Variants in DMD observed in about 807,000 individuals in gnomAD.
DMD encodes the protein mutant dystrophin.
DMD carries 63 observed loss-of-function variants against 330.1 expected under a neutral mutation model. The observed-to-expected ratio is 0.19, with a 90% CI of 0.16 to 0.24. The LOEUF (loss-of-function observed/expected upper bound fraction) is 0.24. Among genes scored for constraint, DMD ranks in the 10% least tolerant of loss-of-function variants. DMD has a pLI of 1.00. For synonymous variants in DMD, 1,223 were observed against 959.8 expected, an observed-to-expected ratio of 1.27 and a Z score of -5.07; for missense variants, 3,344 against 2,684.1, an observed-to-expected ratio of 1.25 and a Z score of -5.43.
chrX:31,292,763 T>A (rs995292628), intron 62 of DMD, among the ~76,000 whole-genome samples: 1 of 112,188 alleles, frequency 8.9e-6, no homozygotes, highest in Non-Finnish European at 1.9e-5. Flanking sequence ...AAATGGGATA[T>A]CAAATTGCAA....
intron 1 of DMD, among the ~76,000 whole-genome samples, chrX:33,133,640 G>T (rs1416299286): frequency 3.6e-5 from 4 of 111,754 alleles, no homozygotes; most frequent in Non-Finnish European, 7.5e-5. Context: ...CTTTGGAAAG[G>T]TGTACTTTTA....
At chrX:33,289,214 A>T (rs2148928545) in intron 1 of DMD, among the ~76,000 whole-genome samples, 1 of 111,211 alleles carries the variant, frequency 9.0e-6, no homozygotes, top group Admixed American at 9.6e-5. Flanking sequence ...TCCTTTGAAA[A>T]CCATTATTTT....
chrX:32,360,525 C>A (rs759438256), intron 37 of DMD, among the ~76,000 whole-genome samples: 1 of 111,053 alleles, frequency 9.0e-6, no homozygotes, highest in Non-Finnish European at 1.9e-5. Flanking sequence ...CAGTGGTTCA[C>A]GCTTGTAATC....
chrX:31,666,896 C>CTATG (rs1408780372), intron 53 of DMD, among the ~76,000 whole-genome samples: 5 of 111,588 alleles, frequency 4.5e-5, no homozygotes. Context: ...AAAATGGAGA[C>CTATG]TATGTTTCTA....
intron 43 of DMD, among the ~76,000 whole-genome samples, chrX:32,252,793 AATAT>A (rs1359167838): frequency 9.1e-5 from 4 of 43,933 alleles, no homozygotes; most frequent in African/African-American, 1.5e-4. Context: ...AATATATATA[AATAT>A]ATATATAAAT....
At chrX:32,733,078 C>A (rs1419054813) in intron 7 of DMD, among the ~76,000 whole-genome samples, 6 of 107,307 alleles carry the variant, frequency 5.6e-5, no homozygotes, top group Admixed American at 9.9e-5. Flanking sequence ...ATCTACCAAG[C>A]AAATGGAAAA....
intron 21 of DMD, among the ~76,000 whole-genome samples, chrX:32,479,793 C>CGAGATAT (rs1569564500): frequency 9.1e-6 from 1 of 110,004 alleles, no homozygotes; most frequent in African/African-American, 3.3e-5. Context: ...ATATATATCA[C>CGAGATAT]ATTTTCTTTA....
intron 1 of DMD, among the ~76,000 whole-genome samples, chrX:33,255,997 G>T (rs1173809537): frequency 9.0e-6 from 1 of 111,476 alleles, no homozygotes; most frequent in South Asian, 3.6e-4. Context: ...TTGACAGTCT[G>T]ACCATGGGTT....
chrX:32,257,162 G>A (rs1269923429), intron 43 of DMD, among the ~76,000 whole-genome samples: 9 of 111,639 alleles, frequency 8.1e-5, no homozygotes, highest in African/African-American at 2.0e-4. Context: ...AAGAAAATAC[G>A]AAAGGACGCA....
intron 48 of DMD, among the ~76,000 whole-genome samples, chrX:31,849,733 G>T (rs2149548079): frequency 9.0e-6 from 1 of 110,589 alleles, no homozygotes; most frequent in East Asian, 2.8e-4. Context: ...ATTTATAAAT[G>T]AAGGTATATG....
At chrX:32,315,028 C>G (rs2097578310) in intron 41 of DMD, among the ~76,000 whole-genome samples, 1 of 111,539 alleles carries the variant, frequency 9.0e-6, no homozygotes, top group Non-Finnish European at 1.9e-5. Context: ...CCCAGCAATC[C>G]CATTACTGGA....
chrX:31,702,854 CTTT>C (rs534843685), intron 52 of DMD, among the ~76,000 whole-genome samples: 3 of 89,069 alleles, frequency 3.4e-5, no homozygotes, highest in Non-Finnish European at 6.7e-5. Context: ...TCAGAGAAGT[CTTT>C]TTTTTTTTTT....
intron 64 of DMD, among the ~76,000 whole-genome samples, chrX:31,215,325 C>T (rs2045306370): frequency 9.2e-6 from 1 of 109,225 alleles, no homozygotes; most frequent in Non-Finnish European, 1.9e-5. Context: ...TAATATGCTC[C>T]CTTGGCTTAG....
chrX:31,868,236 T>C (rs1432955509), intron 48 of DMD, among the ~76,000 whole-genome samples: 1 of 112,388 alleles, frequency 8.9e-6, no homozygotes, highest in East Asian at 2.8e-4. Flanking sequence ...AAAGATTTGA[T>C]TATGGCTTTT....
intron 16 of DMD, among the ~76,000 whole-genome samples, chrX:32,550,602 C>G (rs2049446717): frequency 9.1e-6 from 1 of 110,143 alleles, no homozygotes; most frequent in Non-Finnish European, 1.9e-5. Flanking sequence ...AAACTAACCC[C>G]AAAGCTAGAA....
chrX:32,167,369 G>A (rs1226861701), intron 44 of DMD, among the ~76,000 whole-genome samples: 1 of 111,909 alleles, frequency 8.9e-6, no homozygotes, highest in South Asian at 3.7e-4. Context: ...AGTACACTTT[G>A]AAATCAAACT....
intron 55 of DMD, among the ~76,000 whole-genome samples, chrX:31,627,266 A>C: frequency 8.8e-6 from 1 of 113,141 alleles, no homozygotes; most frequent in Middle Eastern, 4.6e-3. Flanking sequence ...TAATGAAGGG[A>C]AACTGATTCA....
chrX:32,643,243 GC>G (rs1252077745), intron 11 of DMD, among the ~76,000 whole-genome samples: 3 of 110,612 alleles, frequency 2.7e-5, no homozygotes, highest in Non-Finnish European at 5.7e-5. Context: ...AAAGGCCTGA[GC>G]TTAAAAATGT....
intron 43 of DMD, among the ~76,000 whole-genome samples, chrX:32,250,352 T>C (rs888661221): frequency 8.9e-6 from 1 of 112,047 alleles, no homozygotes; most frequent in Non-Finnish European, 1.9e-5. Context: ...ATAATAAAAA[T>C]GGTAAATGTG....
Sources: allele counts gnomAD v4.1 joint callset (sites outside exome capture counted in the v4.1 genomes callset), GRCh38; gene constraint gnomAD v4.1.1; transcripts MANE v1.5; gene names NCBI Gene and HGNC (gene_info 2026-07-23, HGNC 2026-07-21).